PCDHGB1: variants seen among roughly 807,000 people sequenced by gnomAD.
PCDHGB1 encodes the protein protocadherin gamma-B1.
PCDHGB1 carries 34 observed loss-of-function variants against 56.6 expected under a neutral mutation model. That is an observed-to-expected ratio of 0.60 (90% CI 0.46 to 0.80). The LOEUF (loss-of-function observed/expected upper bound fraction) is 0.80, where lower values mean the gene tolerates loss of function less well. Ranked by LOEUF, PCDHGB1 falls within the 30% of genes least tolerant of loss-of-function variation. The pLI is 0.00. For synonymous variants in PCDHGB1, 561 were observed against 505.9 expected, an observed-to-expected ratio of 1.11 and a Z score of -1.46; for missense variants, 1,278 against 1,204.6, an observed-to-expected ratio of 1.06 and a Z score of -0.90.
At chr5:141,408,738 C>A in intron 1 of PCDHGB1, 1 of 1,609,632 alleles carries the variant, frequency 6.2e-7, no homozygotes, top group Non-Finnish European at 8.5e-7. Flanking sequence ...CCTTATTTTT[C>A]ATTAATGGTT....
rs866190808 is a variant in PCDHGB1 at position 141,376,751 on chromosome 5, A to G, written c.2409+24082A>G. On this transcript the variant is annotated intron_variant, in intron 1 of 3. Transcript: ENST00000523390. ...CCGGACTGCGGACTGCAGTGGCGCA[A>G]TCTCGGCTCACTGCAAGCTCCGCTT... The G allele has an allele frequency of 1.3e-4, 58 of 460,324 alleles. 1 individual carries two copies. Among genetic ancestry groups the G allele is most frequent in the African/African-American group, 1.1e-3 (50 of 46,164 alleles). 28.5% of individuals were successfully genotyped at this position (460,324 alleles called of 1,614,324 possible).
At chr5:141,410,752 GT>G (rs2095421794) in intron 1 of PCDHGB1, 1 of 1,130,824 alleles carries the variant, frequency 8.8e-7, no homozygotes, top group Non-Finnish European at 1.2e-6. Context: ...TTTTCTCAAT[GT>G]TTTTTCAATT....
Position 141,485,730 on chromosome 5 carries a change from G to A in PCDHGB1, c.2410-9077G>A. On this transcript the variant is annotated intron_variant, in intron 1 of 3. Coordinates refer to ENST00000523390, the MANE Select transcript of PCDHGB1 (RefSeq NM_018922.3). This position sits in a 1 kb window ranked among gnomAD's most constrained non-coding sequence, Gnocchi z 5.7. ...TTTGCACTGGATGTGAAGAAGCGCA[G>A]CGACGGCAGCCTGGTCCCAGAGCTG... is the stretch of plus-strand genomic sequence containing the variant. 1 of 1,614,200 alleles carries A rather than the reference G, an allele frequency of 6.2e-7. No individual in the cohort carries two copies. Among genetic ancestry groups the A allele is most frequent in the Non-Finnish European group, 8.5e-7 (1 of 1,180,024 alleles).
Position 141,491,826 on chromosome 5 carries a change from C to A in PCDHGB1, c.2410-2981C>A. 1 of 1,477,526 alleles carries A rather than the reference C, an allele frequency of 6.8e-7. No homozygotes were observed. The highest frequency in any genetic ancestry group is 9.0e-7 in the Non-Finnish European group (1 of 1,114,486). The allele number at this position is 1,477,526 out of a possible 1,614,324, so 91.5% of individuals were successfully genotyped here. A position where few individuals can be genotyped will look rare whatever the true frequency, so the allele number is the denominator to read the frequency against. ...GGCTTGGTCGCTGGCTGCGCTCCAC[C>A]CGATTCTCGGGATCATTGGACCGTT... On this transcript the variant is annotated intron_variant, in intron 1 of 3. Transcript: ENST00000523390. The surrounding 1 kb of genome is among the most constrained non-coding windows in gnomAD (Gnocchi z 6.9).
At chr5:141,392,763 A>G in intron 1 of PCDHGB1, 4 of 1,480,256 alleles carry the variant, frequency 2.7e-6, no homozygotes, top group Non-Finnish European at 3.6e-6. Context: ...ACTAAATAAG[A>G]CCCATTTATG....
intron 2 of PCDHGB1, among the ~76,000 whole-genome samples, chr5:141,499,496 T>C (rs1167360015): frequency 6.6e-6 from 1 of 152,182 alleles, no homozygotes; most frequent in East Asian, 1.9e-4. Flanking sequence ...CAGTTTAATA[T>C]GAAACATTTC....
At chr5:141,438,591 C>CATACATAT (rs1228520343) in intron 1 of PCDHGB1, among the ~76,000 whole-genome samples, 2 of 75,562 alleles carry the variant, frequency 2.6e-5, no homozygotes, top group African/African-American at 4.5e-5. Context: ...TACATACATA[C>CATACATAT]ATATATATAT....
chr5:141,418,247 G>A, intron 1 of PCDHGB1: 1 of 1,614,032 alleles, frequency 6.2e-7, no homozygotes, highest in Non-Finnish European at 8.5e-7. Context: ...TAATGACCAC[G>A]CCCCTCAATT....
chr5:141,393,458 G>A (rs181214352), intron 1 of PCDHGB1: 5 of 1,614,020 alleles, frequency 3.1e-6, no homozygotes, highest in African/African-American at 2.7e-5. Context: ...TCACGGCCTC[G>A]GATGGCGGCA....
rs3805699 is a variant in PCDHGB1 at position 141,435,743 on chromosome 5, G to A, written c.2410-59064G>A. Among the ~76,000 whole-genome samples the A allele has an allele frequency of 9.2e-5, 14 of 152,198 alleles. No homozygotes were observed. The East Asian group carries it at 2.1e-3, about 23-fold the overall frequency. ...GCTAAAGTGTATTACTCTTTGAAAA[G>A]CATTGCTTGATTTCTTTTGGTGAAT... is the stretch of plus-strand genomic sequence containing the variant. On this transcript the variant is annotated intron_variant, in intron 1 of 3. Coordinates refer to ENST00000523390, the MANE Select transcript of PCDHGB1 (RefSeq NM_018922.3).
Position 141,511,451 on chromosome 5 carries a change from A to G in PCDHGB1, c.*278A>G, listed in dbSNP as rs2099883797. On this transcript the variant is annotated 3_prime_UTR_variant, in exon 4 of 4. Coordinates refer to ENST00000523390, the MANE Select transcript of PCDHGB1 (RefSeq NM_018922.3). ...GGGGTTACTGTAGACACCAAGAACC[A>G]TTTGCCACACCCCGTTTAGTTACAG... is the stretch of plus-strand genomic sequence containing the variant. The G allele has an allele frequency of 4.9e-6, 3 of 606,372 alleles. No homozygotes were observed. Among genetic ancestry groups the G allele is most frequent in the Non-Finnish European group, 8.1e-6 (3 of 368,942 alleles). The allele number at this position is 606,372 out of a possible 1,614,324, so 37.6% of individuals were successfully genotyped here.
chr5:141,400,322 G>T lies in PCDHGB1; in HGVS notation c.2409+47653G>T, dbSNP rs1025265322. The stretch of plus-strand genomic sequence containing the variant: ...CAACCTGGTCTCTGTGTCAAGTCTG[G>T]ACCTGTGGTTCCCCCCAACTACAGT... On this transcript the variant is annotated intron_variant, in intron 1 of 3. Transcript: ENST00000523390. 1.9e-6 allele frequency: 3 copies of T among 1,613,952 alleles called. No homozygotes were observed. In the African/African-American group the frequency reaches 4.0e-5, roughly 22 times the overall value.
chr5:141,408,105 G>A (rs566753835), intron 1 of PCDHGB1: 22 of 1,439,788 alleles, frequency 1.5e-5, no homozygotes, highest in Admixed American at 8.2e-5. Context: ...TCCGAGACCC[G>A]GGACTCCTCC....
intron 1 of PCDHGB1, among the ~76,000 whole-genome samples, chr5:141,382,339 C>A (rs1018758986): frequency 2.6e-5 from 4 of 152,082 alleles, no homozygotes; most frequent in African/African-American, 9.7e-5. Context: ...TAAGTAAAAT[C>A]TTTCATATGT....
Position 141,476,351 on chromosome 5 carries a change from G to C in PCDHGB1, c.2410-18456G>C. On this transcript the variant is annotated intron_variant, in intron 1 of 3. Transcript: ENST00000523390. This position sits in a 1 kb window ranked among gnomAD's most constrained non-coding sequence, Gnocchi z 7.6. ...TGGAGCTAGCCGAAGATTCTTTGAG[G>C]TGAACCGGGAGACCGGAGAGATGTT... 3 of 1,614,182 alleles carry C rather than the reference G, an allele frequency of 1.9e-6. No homozygotes were observed. Among genetic ancestry groups the C allele is most frequent in the Non-Finnish European group, 2.5e-6 (3 of 1,180,046 alleles).
intron 1 of PCDHGB1, 146 bp from the exon 2 acceptor site, chr5:141,494,661 G>C (rs2099755951): frequency 6.7e-7 from 1 of 1,492,856 alleles, no homozygotes; most frequent in African/African-American, 1.4e-5. Context: ...TTTGTCTTTG[G>C]AGATGAGTCC....
chr5:141,460,950 T>C (rs1458616371), intron 1 of PCDHGB1, among the ~76,000 whole-genome samples: 1 of 135,948 alleles, frequency 7.4e-6, no homozygotes, highest in East Asian at 2.0e-4. Flanking sequence ...ATATGTATTA[T>C]GTATATATAT....
Position 141,351,240 on chromosome 5 carries a change from G to A in PCDHGB1, c.980G>A (p.Cys327Tyr). ...AKDGGVHTAH[C>Y]NVQIEIVDEN... Reference sequence around the variant, plus strand: ...GATGGAGGAGTACACACAGCTCACTGTAATGTTCAAATAGAAATTGTTGAC... The same window carrying A: ...GATGGAGGAGTACACACAGCTCACTATAATGTTCAAATAGAAATTGTTGAC... The change falls in exon 1 of 4, where the codon TGT becomes TAT. Residue 327 changes from cysteine to tyrosine, a missense_variant. Physicochemically the swap from Cys to Tyr is radical, Grantham distance 194. Transcript: ENST00000523390. The A allele has an allele frequency of 4.3e-6, 7 of 1,614,026 alleles. No homozygotes were observed. Among genetic ancestry groups the A allele is most frequent in the Non-Finnish European group, 5.1e-6 (6 of 1,179,886 alleles).
chr5:141,511,823 GC>G lies in PCDHGB1; in HGVS notation c.*653del, dbSNP rs2099883963. On this transcript the variant is annotated 3_prime_UTR_variant, in exon 4 of 4. Coordinates refer to ENST00000523390, the MANE Select transcript of PCDHGB1 (RefSeq NM_018922.3). The stretch of plus-strand genomic sequence containing the variant: ...TTTTGCTACCAAGCCTCTTCCCAAC[GC>G]CCTGGGGACCAGTCTTCTGTTTTGT... The G allele has an allele frequency of 6.4e-6, 1 of 156,728 alleles. No individual in the cohort carries two copies. The highest frequency in any genetic ancestry group is 1.9e-4 in the South Asian group (1 of 5,164). 9.7% of individuals were successfully genotyped at this position (156,728 alleles called of 1,614,324 possible).
Sources: allele counts gnomAD v4.1 joint callset (sites outside exome capture counted in the v4.1 genomes callset), GRCh38; gene constraint gnomAD v4.1.1; non-coding constraint Gnocchi (gnomAD v3.1); transcripts MANE v1.5; gene names NCBI Gene and HGNC (gene_info 2026-07-23, HGNC 2026-07-21).